GEMIN8: variants seen among roughly 807,000 people sequenced by gnomAD.
The protein encoded by GEMIN8 is gem nuclear organelle associated protein 8.
For synonymous variants in GEMIN8, 80 were observed against 78.5 expected, an observed-to-expected ratio of 1.02 and a Z score of -0.10; for missense variants, 185 against 205.9, an observed-to-expected ratio of 0.90 and a Z score of 0.62.
At chrX:14,016,929 G>A (rs1392690319) in intron 4 of GEMIN8, among the ~76,000 whole-genome samples, 1 of 96,373 alleles carries the variant, frequency 1.0e-5, no homozygotes, top group Non-Finnish European at 2.0e-5. Context: ...CAAGGCAAAC[G>A]GTATCAGAGA....
chrX:14,011,493 C>T (rs920227103), intron 4 of GEMIN8, among the ~76,000 whole-genome samples: 1 of 106,330 alleles, frequency 9.4e-6, no homozygotes, highest in Non-Finnish European at 1.9e-5. Context: ...CAGCCTTGTA[C>T]CCATTACCAA....
At chrX:14,014,175 C>T (rs7055517) in intron 4 of GEMIN8, 246,990 of 749,789 alleles carry the variant, frequency 0.33, 29,626 homozygotes, top group African/African-American at 0.54. Context: ...AATGTTTTTT[C>T]CCCTCACTTT....
chrX:14,019,190 A>G (rs995487762), intron 4 of GEMIN8, among the ~76,000 whole-genome samples: 1 of 111,330 alleles, frequency 9.0e-6, no homozygotes, highest in African/African-American at 3.3e-5. Context: ...TTGTAGGTAA[A>G]ATGTCATACA....
At chrX:14,024,257 G>A (rs905876071) in intron 2 of GEMIN8, among the ~76,000 whole-genome samples, 2 of 112,223 alleles carry the variant, frequency 1.8e-5, no homozygotes, top group African/African-American at 3.2e-5. Context: ...CCAGCACTTT[G>A]GGAGGCCGAG....
At chrX:14,020,041 G>A (rs1471846272) in intron 4 of GEMIN8, 37 bp downstream of exon 4, 2 of 824,001 alleles carry the variant, frequency 2.4e-6, no homozygotes, top group East Asian at 3.1e-5. Context: ...GGCAGGGCAA[G>A]GAAAGGAAGC....
chrX:14,014,124 A>C lies in GEMIN8; in HGVS notation c.473-4955T>G, dbSNP rs984746383. On this transcript the variant is annotated intron_variant, in intron 4 of 4. Coordinates refer to ENST00000680255, the MANE Select transcript of GEMIN8 (RefSeq NM_001042479.2). ...TCCACACATAGAGCCCAAAGGCAGA[A>C]CATGTTAGAGGATAAAGCATGGAGG... 5.3e-6 allele frequency: 4 copies of C among 750,695 alleles called. No homozygotes were observed. In the African/African-American group the frequency reaches 9.2e-5, roughly 17 times the overall value. 61.9% of individuals were successfully genotyped at this position (750,695 alleles called of 1,213,427 possible).
At position 14,008,792 on chromosome X, in the gene GEMIN8, G is replaced by T; in HGVS notation, c.*121C>A. ...ACCCCGTGACAGGCCCACTGGGACT[G>T]TGGTGAACATGCCTGTACCCCAGTA... On this transcript the variant is annotated 3_prime_UTR_variant, in exon 5 of 5. Coordinates refer to ENST00000680255, the MANE Select transcript of GEMIN8 (RefSeq NM_001042479.2). The T allele has an allele frequency of 1.4e-6, 1 of 691,855 alleles. No individual in the cohort carries two copies. The highest frequency in any genetic ancestry group is 2.2e-6 in the Non-Finnish European group (1 of 450,161). 57.0% of individuals were successfully genotyped at this position (691,855 alleles called of 1,213,427 possible).
At chrX:14,027,903 G>A (rs1345409501) in intron 1 of GEMIN8, among the ~76,000 whole-genome samples, 3 of 112,241 alleles carry the variant, frequency 2.7e-5, no homozygotes, top group Admixed American at 1.9e-4. Context: ...AAACAGATAA[G>A]TTTGTTTCAC....
At chrX:13,984,553 A>G in the GEMIN8 span, among the ~76,000 whole-genome samples, 1 of 111,902 alleles carries the variant, frequency 8.9e-6, no homozygotes, top group African/African-American at 3.3e-5. Flanking sequence ...GCAATGCCTA[A>G]AACATTAATA....
At chrX:13,986,297 T>A in the GEMIN8 span, among the ~76,000 whole-genome samples, 1 of 112,485 alleles carries the variant, frequency 8.9e-6, no homozygotes, top group East Asian at 2.8e-4. Flanking sequence ...GGCTTTCTCA[T>A]AGTATGGCTG....
chrX:14,022,599 CTT>C (rs11353765), intron 2 of GEMIN8, among the ~76,000 whole-genome samples: 7 of 106,390 alleles, frequency 6.6e-5, no homozygotes, highest in African/African-American at 2.4e-4. Context: ...TTAAAATAGA[CTT>C]TTTTTTTTTC....
Position 14,020,434 on chromosome X carries a change from T to C in GEMIN8, c.116A>G (p.His39Arg), listed in dbSNP as rs1178805308. The C allele has an allele frequency of 1.7e-6, 2 of 1,199,726 alleles. No individual in the cohort carries two copies. Among genetic ancestry groups the C allele is most frequent in the African/African-American group, 3.5e-5 (2 of 56,971 alleles). ...HQAMAWMQSH[H>R]NAYRKAVESC... ...TTCCACGGCCTTCCTGTAGGCATTGTGATGGCTTTGCATCCAAGCCATTGC... is the reference window on the plus strand; with the variant it reads ...TTCCACGGCCTTCCTGTAGGCATTGCGATGGCTTTGCATCCAAGCCATTGC... The change falls in exon 4 of 5, where the codon CAC (histidine) becomes CGC (arginine). Residue 39 changes from histidine to arginine, a missense_variant. Transcript: ENST00000680255.
intron 4 of GEMIN8, among the ~76,000 whole-genome samples, chrX:14,012,444 C>G (rs887500189): frequency 9.0e-6 from 1 of 111,073 alleles, no homozygotes; most frequent in Non-Finnish European, 1.9e-5. Context: ...AATTTAAGAC[C>G]CAACCCTTAT....
chrX:14,018,447 T>C (rs967076276), intron 4 of GEMIN8, among the ~76,000 whole-genome samples: 2 of 112,185 alleles, frequency 1.8e-5, no homozygotes, highest in Non-Finnish European at 3.8e-5. Flanking sequence ...CATAAAAGTA[T>C]CAACCTCTAG....
the GEMIN8 span, among the ~76,000 whole-genome samples, chrX:13,997,222 G>C: frequency 1.4e-4 from 16 of 111,273 alleles, no homozygotes; most frequent in Middle Eastern, 4.2e-3. Context: ...TTACAGACAT[G>C]AGCCACCGTG....
At chrX:14,001,320 AAAAAACCCAT>A in the GEMIN8 span, among the ~76,000 whole-genome samples, 1 of 112,389 alleles carries the variant, frequency 8.9e-6, no homozygotes, top group South Asian at 3.7e-4. Flanking sequence ...ACAAAGAAAC[AAAAAACCCAT>A]AACCATAAAA....
the GEMIN8 span, among the ~76,000 whole-genome samples, chrX:13,989,298 T>C: frequency 1.4e-4 from 16 of 110,467 alleles, no homozygotes; most frequent in African/African-American, 5.3e-4. Context: ...AGATGAAGTC[T>C]TGCCATGTTG....
intron 4 of GEMIN8, among the ~76,000 whole-genome samples, chrX:14,018,147 T>C: frequency 8.9e-6 from 1 of 112,266 alleles, no homozygotes; most frequent in Admixed American, 9.4e-5. Flanking sequence ...CTCAAAATAA[T>C]ATTAAGTGGC....
chrX:14,010,573 T>C (rs1208768629), intron 4 of GEMIN8, among the ~76,000 whole-genome samples: 1 of 112,585 alleles, frequency 8.9e-6, no homozygotes, highest in Non-Finnish European at 1.9e-5. Flanking sequence ...GAAAGATATT[T>C]ATAAGGCCAT....
Sources: gnomAD v4.1 joint callset for allele counts (sites outside exome capture counted in the v4.1 genomes callset) on GRCh38, gnomAD v4.1.1 for gene constraint, MANE v1.5 for transcripts, NCBI Gene and HGNC (gene_info 2026-07-23, HGNC 2026-07-21) for gene names.